GDAP2: variants seen among roughly 807,000 people sequenced by gnomAD.
GDAP2 encodes ganglioside induced differentiation associated protein 2, also known as ganglioside-induced differentiation-associated protein 2.
GDAP2 carries 51 observed loss-of-function variants against 67.0 expected under a neutral mutation model. The ratio of observed to expected loss-of-function variants is 0.76; its 90% CI spans 0.61 to 0.96. The LOEUF is 0.96. Among genes scored for constraint, GDAP2 ranks in the 40% least tolerant of loss-of-function variants. The probability of loss-of-function intolerance (pLI) is 0.00; values close to 1 mark genes in which losing one functional copy is unlikely to be tolerated. For synonymous variants in GDAP2, 203 were observed against 207.3 expected, an observed-to-expected ratio of 0.98 and a Z score of 0.18; for missense variants, 547 against 588.3, an observed-to-expected ratio of 0.93 and a Z score of 0.73.
At chr1:117,886,927 T>C (rs1434244538) in intron 9 of GDAP2, among the ~76,000 whole-genome samples, 1 of 152,092 alleles carries the variant, frequency 6.6e-6, no homozygotes, top group Non-Finnish European at 1.5e-5. Context: ...TTTTAAAATA[T>C]TTTATTATTT....
At chr1:117,924,755 G>T (rs1252011565) in intron 1 of GDAP2, among the ~76,000 whole-genome samples, 2 of 152,198 alleles carry the variant, frequency 1.3e-5, no homozygotes, top group East Asian at 3.9e-4. Flanking sequence ...AAATTACTTT[G>T]AAATAAAGAA....
In GDAP2 at chr1:117,877,995, C is replaced by G; in HGVS notation, c.1446+14G>C. On this transcript the variant is annotated intron_variant, in intron 13 of 13. Coordinates refer to ENST00000369443, the MANE Select transcript of GDAP2 (RefSeq NM_017686.4). ...TACCATACCAGGTGAGGGAGAACTT[C>G]TGGTACTTCTTACCCTGGCATCATA... The G allele has an allele frequency of 6.2e-7, 1 of 1,613,056 alleles. No individual in the cohort carries two copies. The highest frequency in any genetic ancestry group is 8.5e-7 in the Non-Finnish European group (1 of 1,179,266).
Position 117,870,595 on chromosome 1 carries a change from A to C in GDAP2, c.1468T>G (p.Ser490Ala). The change falls in exon 14 of 14, where the codon TCA becomes GCA. Residue 490 changes from serine (S) to alanine (A), a missense_variant. Coordinates refer to ENST00000369443, the MANE Select transcript of GDAP2 (RefSeq NM_017686.4). The part of the protein sequence containing the change: ...DARENGPYYT[S>A]YPPSPDL ...CACAAATCTGGTGATGGGGGATATGATGTATAGTAAGGCCCGTTTTCCTGT... is the reference window on the plus strand; with the variant it reads ...CACAAATCTGGTGATGGGGGATATGCTGTATAGTAAGGCCCGTTTTCCTGT... 2 of 1,606,018 alleles carry C rather than the reference A, an allele frequency of 1.2e-6. No individual in the cohort carries two copies. The highest frequency in any genetic ancestry group is 1.7e-6 in the Non-Finnish European group (2 of 1,172,748).
In GDAP2 at chr1:117,912,011, G is replaced by C. The variant is rs1649871188; in HGVS notation, c.542C>G (p.Ala181Gly). The stretch of plus-strand genomic sequence containing the variant: ...TTACTTACGAAGTGCTATGTGTGTT[G>C]CATCCTCTAAAGGATAACCACGTTT... ...SAKRGYPLED[A>G]THIALRTVRR... Residue 181 changes from alanine to glycine, a missense_variant, in exon 5 of 14, where the codon GCA becomes GGA. Transcript: ENST00000369443. 6.3e-7 allele frequency: 1 copy of C among 1,579,918 alleles called. No individual in the cohort carries two copies. The highest frequency in any genetic ancestry group is 8.7e-7 in the Non-Finnish European group (1 of 1,149,162).
intron 9 of GDAP2, among the ~76,000 whole-genome samples, chr1:117,887,133 G>T (rs113890486): frequency 0.013 from 2,031 of 151,832 alleles, 39 homozygotes; most frequent in South Asian, 0.092. Flanking sequence ...TCTCACCATG[G>T]TGCCCAGTCT....
At chr1:117,884,469 T>C (rs966748611) in intron 10 of GDAP2, among the ~76,000 whole-genome samples, 1 of 152,184 alleles carries the variant, frequency 6.6e-6, no homozygotes, top group African/African-American at 2.4e-5. Context: ...CCTCTTCAGA[T>C]GAGTCCTTGA....
At chr1:117,910,643 T>C (rs1417884628) in intron 5 of GDAP2, among the ~76,000 whole-genome samples, 1 of 152,188 alleles carries the variant, frequency 6.6e-6, no homozygotes, top group Non-Finnish European at 1.5e-5. Context: ...ATTCTAGAGA[T>C]AACAGGGGCT....
intron 6 of GDAP2, among the ~76,000 whole-genome samples, chr1:117,905,650 T>TTTC (rs1230521443): frequency 1.3e-5 from 2 of 152,174 alleles, no homozygotes; most frequent in African/African-American, 4.8e-5. Flanking sequence ...ACCATGATTT[T>TTTC]TTCACTGGTG....
At chr1:117,890,399 G>T (rs1298539557) in intron 8 of GDAP2, among the ~76,000 whole-genome samples, 1 of 151,942 alleles carries the variant, frequency 6.6e-6, no homozygotes, top group African/African-American at 2.4e-5. Context: ...GGTAGTTCCT[G>T]ACACTCAATC....
rs1022065724 is a variant in GDAP2, at chr1:117,863,537, G to C, written c.*7032C>G. The C allele has an allele frequency of 2.6e-5, 4 of 152,154 alleles. No homozygotes were observed. The highest frequency in any genetic ancestry group is 9.7e-5 in the African/African-American group (4 of 41,442). 9.4% of individuals were successfully genotyped at this position (152,154 alleles called of 1,614,324 possible). On this transcript the variant is annotated 3_prime_UTR_variant, in exon 14 of 14. Transcript: ENST00000369443. ...CAATCTGGCATGACTGCCTTTAAAT[G>C]AAATCTGTATTTCACATCAATTTGA...
intron 13 of GDAP2, among the ~76,000 whole-genome samples, chr1:117,874,354 T>C (rs1197330263): frequency 2.0e-5 from 3 of 152,140 alleles, no homozygotes; most frequent in African/African-American, 7.2e-5. Flanking sequence ...CCCTTCCTTC[T>C]CTCTCTTGCT....
At chr1:117,893,865 C>T (rs1649169801) in intron 8 of GDAP2, among the ~76,000 whole-genome samples, 1 of 151,956 alleles carries the variant, frequency 6.6e-6, no homozygotes, top group African/African-American at 2.4e-5. Context: ...TTATATCTAC[C>T]AGTTCTCATT....
At chr1:117,871,096 A>G (rs541051211) in intron 13 of GDAP2, among the ~76,000 whole-genome samples, 87 of 152,292 alleles carry the variant, frequency 5.7e-4, no homozygotes, top group Admixed American at 1.6e-3. Flanking sequence ...CCAAATCTTA[A>G]TTTAGAGTTA....
chr1:117,906,438 T>C, intron 6 of GDAP2, 68 bp downstream of exon 6: 1 of 825,034 alleles, frequency 1.2e-6, no homozygotes, highest in Non-Finnish European at 2.0e-6. Flanking sequence ...AAATATGTAG[T>C]GACAAGCCAA....
chr1:117,903,849 G>A (rs1489810774), intron 6 of GDAP2, among the ~76,000 whole-genome samples: 1 of 152,154 alleles, frequency 6.6e-6, no homozygotes, highest in Admixed American at 6.5e-5. Context: ...AATCAAAGAT[G>A]AATGTAAGGA....
intron 5 of GDAP2, among the ~76,000 whole-genome samples, chr1:117,906,871 T>C (rs1235462207): frequency 2.6e-5 from 4 of 152,344 alleles, no homozygotes; most frequent in African/African-American, 4.8e-5. Flanking sequence ...ATAAAGAAGA[T>C]GCTTTATTGT....
Position 117,918,728 on chromosome 1 carries a change from T to C in GDAP2, c.185A>G (p.Asp62Gly). Residue 62 changes from aspartate to glycine, a missense_variant, in exon 3 of 14, where the codon GAT becomes GGT. Asp to Gly is a moderately conservative substitution (Grantham distance 94). Transcript: ENST00000369443. ...VNGKVVLWKG[D>G]VALLNCTAIV... ...GGCTGTACAGTTCAGTAATGCCACA[T>C]CTCCTTTCCTGAAGAAACAATAAAG... The C allele has an allele frequency of 5.6e-6, 9 of 1,600,096 alleles. No individual in the cohort carries two copies. Among genetic ancestry groups the C allele is most frequent in the Non-Finnish European group, 7.7e-6 (9 of 1,168,568 alleles).
intron 13 of GDAP2, among the ~76,000 whole-genome samples, chr1:117,876,504 C>T (rs1315534972): frequency 6.6e-6 from 1 of 152,164 alleles, no homozygotes; most frequent in Non-Finnish European, 1.5e-5. Flanking sequence ...TCTTTTGTTT[C>T]TTCCCCATTT....
rs1226648379 is a variant in GDAP2 at position 117,866,225 on chromosome 1, A to G, written c.*4344T>C. ...CCTCATGAATGAGATTAGTGCCCTT[A>G]TAAGAAGAGACAGGAAAGTAACGAT... On this transcript the variant is annotated 3_prime_UTR_variant, in exon 14 of 14. Transcript: ENST00000369443. 6.6e-6 allele frequency: 1 copy of G among 152,172 alleles called. No individual in the cohort carries two copies. The highest frequency in any genetic ancestry group is 1.5e-5 in the Non-Finnish European group (1 of 68,030). 9.4% of individuals were successfully genotyped at this position (152,172 alleles called of 1,614,324 possible). A position where few individuals can be genotyped will look rare whatever the true frequency, so the allele number is the denominator to read the frequency against.
Sources: gnomAD v4.1 joint callset for allele counts (sites outside exome capture counted in the v4.1 genomes callset) on GRCh38, gnomAD v4.1.1 for gene constraint, MANE v1.5 for transcripts, NCBI Gene and HGNC (gene_info 2026-07-23, HGNC 2026-07-21) for gene names.